Variants in TRIP11 observed in about 807,000 individuals in gnomAD.
TRIP11 encodes thyroid receptor-interacting protein 11.
Under a neutral mutation model 223.1 loss-of-function variants are expected in TRIP11, and 148 were observed. The ratio of observed to expected loss-of-function variants is 0.66; its 90% CI spans 0.58 to 0.76. TRIP11 has a LOEUF of 0.76. Ranked by LOEUF, TRIP11 falls within the 30% of genes least tolerant of loss-of-function variation. The pLI, the probability that TRIP11 is intolerant of heterozygous loss-of-function variation, is 0.00. For missense variants in TRIP11, 2,043 were observed against 2,222.0 expected (o/e 0.92, Z 1.62); for synonymous variants, 762 against 772.6 (o/e 0.99, Z 0.23).
chr14:92,017,844 A>G (rs2057054523), intron 4 of TRIP11, 94 bp from the exon 5 acceptor site: 1 of 1,122,778 alleles, frequency 8.9e-7, no homozygotes, highest in Non-Finnish European at 1.3e-6. Context: ...TACTTTTGTA[A>G]AAAGGGGGAT....
At chr14:92,013,979 T>G (rs945293156) in intron 7 of TRIP11, among the ~76,000 whole-genome samples, 13 of 152,240 alleles carry the variant, frequency 8.5e-5, no homozygotes, top group Admixed American at 8.5e-4. Context: ...GGATGTGGGC[T>G]GTGATGAGTT....
chr14:92,009,488 T>C (rs1298954955), intron 9 of TRIP11, among the ~76,000 whole-genome samples: 1 of 151,990 alleles, frequency 6.6e-6, no homozygotes, highest in Non-Finnish European at 1.5e-5. Context: ...CCCTGCCAGG[T>C]AAGTGCAGAG....
chr14:92,004,698 G>T lies in TRIP11; in HGVS notation c.3278C>A (p.Ala1093Asp). 1 of 1,614,070 alleles carries T rather than the reference G, an allele frequency of 6.2e-7. No homozygotes were observed. Among genetic ancestry groups the T allele is most frequent in the South Asian group, 1.1e-5 (1 of 91,068 alleles). Reference protein sequence around the residue: ...DVVYLQQQLQAYAMEREKVFA... With the variant: ...DVVYLQQQLQDYAMEREKVFA... ...TACCTTTTCTCTTTCCATAGCATAA[G>T]CCTGCAGTTGCTGTTGAAGGTAAAC... Residue 1093 changes from alanine to aspartate, a missense_variant, in exon 11 of 21, where the codon GCT (alanine) becomes GAT (aspartate). By Grantham distance (126) the Ala-to-Asp change is moderately radical. Transcript: ENST00000267622.
At chr14:91,986,754 CA>C (rs2056608717) in intron 16 of TRIP11, among the ~76,000 whole-genome samples, 1 of 152,204 alleles carries the variant, frequency 6.6e-6, no homozygotes, top group African/African-American at 2.4e-5. Flanking sequence ...TGTCTCCTCT[CA>C]GTTGCCCATA....
At chr14:92,026,473 C>A (rs926385729) in intron 2 of TRIP11, 49 of 790,178 alleles carry the variant, frequency 6.2e-5, no homozygotes, top group Non-Finnish European at 1.1e-4. Flanking sequence ...CGTCCGCCTC[C>A]TTGCTCGCCG....
At chr14:92,033,570 G>A (rs2057292142) in intron 1 of TRIP11, among the ~76,000 whole-genome samples, 1 of 152,142 alleles carries the variant, frequency 6.6e-6, no homozygotes, top group Admixed American at 6.5e-5. Context: ...GTGGGCTAAT[G>A]CTGCTATAAT....
chr14:92,019,555 T>C (rs982211823), intron 4 of TRIP11, among the ~76,000 whole-genome samples: 1 of 152,216 alleles, frequency 6.6e-6, no homozygotes, highest in Non-Finnish European at 1.5e-5. Flanking sequence ...ATTTCTCCTT[T>C]ACATAACTAG....
chr14:92,005,381 C>G lies in TRIP11; in HGVS notation c.2595G>C (p.Leu865=). 6.2e-7 allele frequency: 1 copy of G among 1,614,156 alleles called. No individual in the cohort carries two copies. The highest frequency in any genetic ancestry group is 2.2e-5 in the East Asian group (1 of 44,890). ...LGSMKEENNH[L]QEELERLREE... ...CCCTGAGTCGTTCCAATTCTTCTTGCAGATGATTATTTTCCTCTTTCATGG... is the reference window on the plus strand; with the variant it reads ...CCCTGAGTCGTTCCAATTCTTCTTGGAGATGATTATTTTCCTCTTTCATGG... The change falls in exon 11 of 21, where the codon CTG becomes CTC. Residue 865 remains leucine, a synonymous_variant. Coordinates refer to ENST00000267622, the MANE Select transcript of TRIP11 (RefSeq NM_004239.4).
chr14:91,979,275 A>T (rs1566845235), intron 16 of TRIP11, among the ~76,000 whole-genome samples: 1 of 139,382 alleles, frequency 7.2e-6, no homozygotes, highest in African/African-American at 2.9e-5. Flanking sequence ...AAAAAAAAAG[A>T]GAGAGAGAGA....
At chr14:92,008,533 A>G (rs568807767) in intron 9 of TRIP11, among the ~76,000 whole-genome samples, 204 of 152,324 alleles carry the variant, frequency 1.3e-3, no homozygotes, top group Non-Finnish European at 2.5e-3. Flanking sequence ...TACATTTTAT[A>G]GTCTACTACC....
Position 91,968,219 on chromosome 14 carries a change from AT to A in TRIP11, c.*1453del, listed in dbSNP as rs1427236746. Reference sequence around the variant, plus strand: ...CCTTCCTTGTTATACAAATGTTTCTATTTTAAAAGCATATAGAAATTTACAA... The same window carrying A: ...CCTTCCTTGTTATACAAATGTTTCTATTTAAAAGCATATAGAAATTTACAA... On this transcript the variant is annotated 3_prime_UTR_variant, in exon 21 of 21. Transcript: ENST00000267622. 1 of 201,200 alleles carries A rather than the reference AT, an allele frequency of 5.0e-6. No homozygotes were observed. The highest frequency in any genetic ancestry group is 2.3e-5 in the African/African-American group (1 of 43,596). 12.5% of individuals were successfully genotyped at this position (201,200 alleles called of 1,614,324 possible).
rs11160034 is a variant in TRIP11, at chr14:91,978,701, A to G, written c.5261-2512T>C. ...TTTTGTAGAGATGGGGTCTCACGAT[A>G]TTGCCTGGGCTGATCTCAAACTCCT... On this transcript the variant is annotated intron_variant, in intron 16 of 20. Transcript: ENST00000267622. This position sits in a 1 kb window ranked among gnomAD's most constrained non-coding sequence, Gnocchi z 4.4. 0.59 allele frequency among the ~76,000 whole-genome samples: 90,270 copies of G among 151,822 alleles called. 27,482 individuals are homozygous for G. The highest frequency in any genetic ancestry group is 0.72 in the African/African-American group (29,752 of 41,418).
At position 91,974,656 on chromosome 14, in the gene TRIP11, T is replaced by C. The variant is rs1183943391; in HGVS notation, c.5545A>G (p.Arg1849Gly). The C allele has an allele frequency of 1.2e-6, 2 of 1,612,370 alleles. No individual in the cohort carries two copies. Among genetic ancestry groups the C allele is most frequent in the African/African-American group, 1.3e-5 (1 of 74,884 alleles). Residue 1849 changes from arginine (R) to glycine (G), a missense_variant, in exon 19 of 21, where the codon AGA becomes GGA. By Grantham distance (125) the Arg-to-Gly change is moderately radical. Transcript: ENST00000267622. ...TTAACCACAGATTGCTGATTTGGTC[T>C]CAAAGGTGTGTTGGGAACACTTTTT... is the stretch of plus-strand genomic sequence containing the variant. ...GSKSVPNTPL[R>G]PNQQSVVNSS...
chr14:92,007,950 G>T (rs1251280969), intron 9 of TRIP11, 98 bp from the exon 10 acceptor site: 8 of 892,082 alleles, frequency 9.0e-6, no homozygotes, highest in Non-Finnish European at 1.4e-5. Context: ...TTCTATTTAA[G>T]TGCTCTATAT....
chr14:91,993,958 TAA>T (rs1270924868), intron 14 of TRIP11, 46 bp from the exon 15 acceptor site: 7 of 1,428,294 alleles, frequency 4.9e-6, no homozygotes, highest in African/African-American at 1.4e-5. Context: ...AATCGTGTGT[TAA>T]GTTAGAATGT....
rs1297584242 is a variant in TRIP11 at position 91,967,434 on chromosome 14, C to T, written c.*2239G>A. ...GATTACAGGCGTGAGCCACTGTGCC[C>T]GGCCAGTATTATAGCTTTAGGACAA... On this transcript the variant is annotated 3_prime_UTR_variant, in exon 21 of 21. Coordinates refer to ENST00000267622, the MANE Select transcript of TRIP11 (RefSeq NM_004239.4). 4 of 184,208 alleles carry T rather than the reference C, an allele frequency of 2.2e-5. No individual in the cohort carries two copies. Among genetic ancestry groups the T allele is most frequent in the Admixed American group, 6.3e-5 (1 of 15,994 alleles). 11.4% of individuals were successfully genotyped at this position (184,208 alleles called of 1,614,324 possible). A position where few individuals can be genotyped will look rare whatever the true frequency, so the allele number is the denominator to read the frequency against.
At chr14:92,035,028 G>C (rs7144182) in intron 1 of TRIP11, among the ~76,000 whole-genome samples, 1,993 of 152,058 alleles carry the variant, frequency 0.013, 28 homozygotes, top group African/African-American at 0.045. Context: ...CATCTGGCTG[G>C]TCTCGGTGGC....
Position 92,014,506 on chromosome 14 carries a change from T to C in TRIP11, c.895A>G (p.Ile299Val). The change falls in exon 7 of 21, where the codon ATA becomes GTA. Residue 299 changes from isoleucine to valine, a missense_variant. Transcript: ENST00000267622. ...EMQKTIQVLQ[I>V]EKVESTKKME... ...TTTTTGGTAGACTCCACTTTTTCTA[T>C]TTGTAGAACTTGAATAGTTTTTTGC... is the stretch of plus-strand genomic sequence containing the variant. 1.9e-6 allele frequency: 3 copies of C among 1,597,244 alleles called. No individual in the cohort carries two copies. Among genetic ancestry groups the C allele is most frequent in the Non-Finnish European group, 2.6e-6 (3 of 1,175,918 alleles).
chr14:92,010,044 A>C (rs2056952010), intron 9 of TRIP11, among the ~76,000 whole-genome samples: 1 of 152,242 alleles, frequency 6.6e-6, no homozygotes, highest in East Asian at 1.9e-4. Flanking sequence ...CTGGCCTTTA[A>C]CTTAATAATA....
Sources: gnomAD v4.1 joint callset for allele counts (sites outside exome capture counted in the v4.1 genomes callset) on GRCh38, gnomAD v4.1.1 for gene constraint, Gnocchi (gnomAD v3.1) non-coding constraint, MANE v1.5 for transcripts, NCBI Gene and HGNC (gene_info 2026-07-23, HGNC 2026-07-21) for gene names.